The following RMDN1 variants were observed in gnomAD, a reference collection of about 807,000 sequenced individuals.
RMDN1 encodes the protein regulator of microtubule dynamics protein 1.
RMDN1 carries 48 observed loss-of-function variants against 48.9 expected under a neutral mutation model. That is an observed-to-expected ratio of 0.98 (90% CI 0.78 to 1.25). RMDN1 has a LOEUF of 1.25. Ranked by LOEUF, RMDN1 falls within the 50% of genes most tolerant of loss-of-function variation. RMDN1 has a pLI of 0.00. For missense variants in RMDN1, 418 were observed against 373.4 expected (o/e 1.12, Z -0.98); for synonymous variants, 148 against 132.6 (o/e 1.12, Z -0.80).
intron 5 of RMDN1, among the ~76,000 whole-genome samples, chr8:86,480,941 T>C (rs1017394099): frequency 5.3e-5 from 8 of 152,256 alleles, no homozygotes; most frequent in African/African-American, 1.7e-4. Flanking sequence ...GTAAAATATG[T>C]TGAATCTCCC....
At chr8:86,489,641 C>T (rs930716975) in intron 2 of RMDN1, among the ~76,000 whole-genome samples, 3 of 152,048 alleles carry the variant, frequency 2.0e-5, no homozygotes, top group Admixed American at 2.0e-4. Context: ...ACCAGCCTAG[C>T]CAACATGGTG....
intron 2 of RMDN1, chr8:86,504,525 T>C (rs903196846): frequency 1.3e-5 from 19 of 1,421,240 alleles, no homozygotes; most frequent in Non-Finnish European, 1.9e-5. Flanking sequence ...CACGTGTGTT[T>C]AATACTATCT....
At position 86,505,150 on chromosome 8, in the gene RMDN1, C is replaced by G. The variant is rs115824130; in HGVS notation, c.247+1845G>C. ...AGACCTCATCAGGATGAACCCAGGA[C>G]TGCTTCTGAATGCTGCTACTTGATT... On this transcript the variant is annotated intron_variant, in intron 2 of 9. Coordinates refer to ENST00000406452, the MANE Select transcript of RMDN1 (RefSeq NM_016033.3). 19 of 1,225,712 alleles carry G rather than the reference C, an allele frequency of 1.6e-5. No homozygotes were observed. The African/African-American group carries it at 3.0e-4, about 19-fold the overall frequency. The allele number at this position is 1,225,712 out of a possible 1,614,324, so 75.9% of individuals were successfully genotyped here. A position where few individuals can be genotyped will look rare whatever the true frequency, so the allele number is the denominator to read the frequency against.
At chr8:86,498,126 A>G (rs1350601860) in intron 2 of RMDN1, among the ~76,000 whole-genome samples, 1 of 152,220 alleles carries the variant, frequency 6.6e-6, no homozygotes, top group African/African-American at 2.4e-5. Context: ...GACTATTACA[A>G]ACACCTCTAG....
At chr8:86,498,806 A>G (rs1299472644) in intron 2 of RMDN1, among the ~76,000 whole-genome samples, 1 of 152,012 alleles carries the variant, frequency 6.6e-6, no homozygotes, top group Admixed American at 6.6e-5. Context: ...GAATATAAAC[A>G]TAAAAATCCT....
chr8:86,503,988 T>A (rs1299929790), intron 2 of RMDN1: 5 of 774,190 alleles, frequency 6.5e-6, no homozygotes, highest in Middle Eastern at 2.3e-4. Context: ...GCACAGGTTT[T>A]ATGCCCATGT....
At chr8:86,470,745 G>C (rs1447380283), downstream of RMDN1, among the ~76,000 whole-genome samples, 1 of 152,128 alleles carries the variant, frequency 6.6e-6, no homozygotes, top group African/African-American at 2.4e-5. Context: ...TAGGTCTCAA[G>C]GGAATTATGT....
chr8:86,479,324 T>C (rs1009401042), intron 6 of RMDN1, among the ~76,000 whole-genome samples: 1 of 152,206 alleles, frequency 6.6e-6, no homozygotes, highest in Admixed American at 6.5e-5. Flanking sequence ...ATATATGAGA[T>C]AGGATAATTT....
chr8:86,475,932 T>C (rs1301384635), intron 8 of RMDN1, among the ~76,000 whole-genome samples: 3 of 152,160 alleles, frequency 2.0e-5, no homozygotes, highest in Non-Finnish European at 2.9e-5. Flanking sequence ...TGTGCAATTG[T>C]GAGCCAGAAA....
chr8:86,505,390 T>G, intron 2 of RMDN1: 2 of 456,590 alleles, frequency 4.4e-6, no homozygotes, highest in Non-Finnish European at 8.8e-6. Flanking sequence ...CTAGGGGATA[T>G]AGGAGAGGAA....
upstream of RMDN1, among the ~76,000 whole-genome samples, chr8:86,510,306 G>C (rs1222792924): frequency 6.6e-6 from 1 of 152,066 alleles, no homozygotes; most frequent in African/African-American, 2.4e-5. Context: ...GAAATTGACA[G>C]AATACTATTA....
intron 2 of RMDN1, among the ~76,000 whole-genome samples, chr8:86,501,109 C>T (rs1331042032): frequency 6.6e-6 from 1 of 152,048 alleles, no homozygotes; most frequent in Admixed American, 6.6e-5. Flanking sequence ...ATGCTCACTA[C>T]CTGGGTGACA....
intron 2 of RMDN1, among the ~76,000 whole-genome samples, chr8:86,499,268 C>A (rs971463575): frequency 2.0e-5 from 3 of 152,134 alleles, no homozygotes; most frequent in Non-Finnish European, 4.4e-5. Context: ...AAGAAAGGAA[C>A]TCAAACCATC....
chr8:86,474,624 A>G (rs1373847764), intron 9 of RMDN1, 196 bp downstream of exon 9: 2 of 733,692 alleles, frequency 2.7e-6, no homozygotes, highest in East Asian at 5.4e-5. Flanking sequence ...GGCAACCCGT[A>G]ACATCCACCT....
intron 2 of RMDN1, 109 bp from the exon 3 acceptor site, chr8:86,488,748 G>C (rs1431977267): frequency 6.6e-6 from 4 of 607,088 alleles, no homozygotes; most frequent in African/African-American, 5.7e-5. Context: ...AATGAAATTA[G>C]ATACAGAAAT....
downstream of RMDN1, among the ~76,000 whole-genome samples, chr8:86,471,547 G>A (rs1253810695): frequency 6.6e-6 from 1 of 152,060 alleles, no homozygotes; most frequent in East Asian, 1.9e-4. Flanking sequence ...AGATGTGAAT[G>A]ACTGGCTAAA....
In RMDN1 at chr8:86,508,523, T is replaced by C. The variant is rs1359725288; in HGVS notation, c.98A>G (p.His33Arg). ...GCCGCGGAATCGACAGGGGCCGCAATGCCCGCGGCTGCCCGAAGTCCCCGC... is the reference window on the plus strand; with the variant it reads ...GCCGCGGAATCGACAGGGGCCGCAACGCCCGCGGCTGCCCGAAGTCCCCGC... ...LPAGTSGSRG[H>R]CGPCRFRGFE... Residue 33 changes from histidine to arginine, a missense_variant, in exon 1 of 10, where the codon CAT becomes CGT. Physicochemically the swap from His to Arg is conservative, Grantham distance 29. Coordinates refer to ENST00000406452, the MANE Select transcript of RMDN1 (RefSeq NM_016033.3). The C allele has an allele frequency of 1.3e-6, 2 of 1,564,754 alleles. No individual in the cohort carries two copies. The highest frequency in any genetic ancestry group is 1.2e-5 in the South Asian group (1 of 85,494).
chr8:86,500,303 A>G (rs1211710760), intron 2 of RMDN1, among the ~76,000 whole-genome samples: 1 of 152,160 alleles, frequency 6.6e-6, no homozygotes, highest in African/African-American at 2.4e-5. Flanking sequence ...TCTAATATCC[A>G]GAATCTATAG....
At position 86,484,704 on chromosome 8, in the gene RMDN1, G is replaced by C. The variant is rs151157301; in HGVS notation, c.585+168C>G. ...TTGCACTCTAGCCCGGATGACAAGA[G>C]CGAAACTCCGTCTCAAAAAAAAAAA... On this transcript the variant is annotated intron_variant, in intron 5 of 9. Transcript: ENST00000406452. 8.6e-4 allele frequency: 377 copies of C among 436,356 alleles called. 1 individual carries two copies. The highest frequency in any genetic ancestry group is 7.7e-3 in the African/African-American group (350 of 45,686). The allele number at this position is 436,356 out of a possible 1,614,324, so 27.0% of individuals were successfully genotyped here.
Sources: gnomAD v4.1 joint callset for allele counts (sites outside exome capture counted in the v4.1 genomes callset) on GRCh38, gnomAD v4.1.1 for gene constraint, MANE v1.5 for transcripts, NCBI Gene and HGNC (gene_info 2026-07-23, HGNC 2026-07-21) for gene names.